The following PKP2 variants were observed in gnomAD, a reference collection of about 807,000 sequenced individuals.
PKP2 encodes the protein plakophilin 2.
Under a neutral mutation model 83.4 loss-of-function variants are expected in PKP2, and 73 were observed. That is an observed-to-expected ratio of 0.88 (90% confidence interval 0.72 to 1.06). The LOEUF is 1.06. Ranked by LOEUF, PKP2 falls within the 50% of genes least tolerant of loss-of-function variation. The probability of loss-of-function intolerance (pLI) is 0.00; values close to 1 mark genes in which losing one functional copy is unlikely to be tolerated. For synonymous variants in PKP2, 409 were observed against 430.4 expected (o/e 0.95, Z 0.62); for missense variants, 966 against 1,065.4 (o/e 0.91, Z 1.30).
intron 6 of PKP2, among the ~76,000 whole-genome samples, chr12:32,837,279 A>C (rs1956552021): frequency 6.6e-6 from 1 of 152,220 alleles, no homozygotes; most frequent in Admixed American, 6.5e-5. Context: ...TTCGAATTTG[A>C]AGACAAGCTT....
chr12:32,839,432 C>T (rs1344622066), intron 6 of PKP2, among the ~76,000 whole-genome samples: 1 of 142,820 alleles, frequency 7.0e-6, no homozygotes, highest in African/African-American at 2.6e-5. Flanking sequence ...GTTATCTGCT[C>T]AGTAGAGAAG....
chr12:32,843,224 G>T (rs149930872), intron 5 of PKP2: 3 of 711,092 alleles, frequency 4.2e-6, no homozygotes, highest in Non-Finnish European at 6.9e-6. Flanking sequence ...CTCGTGATCC[G>T]CCCGCCTTGG....
In PKP2 at chr12:32,792,456, T is replaced by A. The variant is rs1001545861; in HGVS notation, c.2482A>T (p.Thr828Ser). 1 of 1,613,862 alleles carries A rather than the reference T, an allele frequency of 6.2e-7. No individual in the cohort carries two copies. The highest frequency in any genetic ancestry group is 8.5e-7 in the Non-Finnish European group (1 of 1,179,840). Residue 828 changes from threonine (T) to serine (S), a missense_variant, in exon 13 of 13, where the codon ACT becomes TCT. By Grantham distance (58) the Thr-to-Ser change is moderately conservative. Transcript: ENST00000340811. ...TTAAGGGAGTGGTAGGCTTTGGCAG[T>A]CCGGCTGTTGACAAAATCTGTCTTC... ...FKKTDFVNSR[T>S]AKAYHSLKD
At chr12:32,883,106 T>C (rs756889995) in intron 1 of PKP2, among the ~76,000 whole-genome samples, 52 of 152,346 alleles carry the variant, frequency 3.4e-4, no homozygotes, top group Non-Finnish European at 4.7e-4. Context: ...GCTGTTTTAA[T>C]GGTTCGCCAA....
At chr12:32,834,980 T>TGTGTGTGTGTGC (rs1956531895) in intron 6 of PKP2, among the ~76,000 whole-genome samples, 1 of 137,610 alleles carries the variant, frequency 7.3e-6, no homozygotes, top group Non-Finnish European at 1.6e-5. Flanking sequence ...AATAGGCGTG[T>TGTGTGTGTGTGC]GTGTGTGTGT....
In PKP2 at chr12:32,853,730, C is replaced by G. The variant is rs180839978; in HGVS notation, c.1171-2757G>C. On this transcript the variant is annotated intron_variant, in intron 4 of 12. Transcript: ENST00000340811. ...TTTGCCATGTTGGCCAGGCTGGTCTCGAACTCCCAACCTCAGGTGATCTGC... is the reference window on the plus strand; with the variant it reads ...TTTGCCATGTTGGCCAGGCTGGTCTGGAACTCCCAACCTCAGGTGATCTGC... Among the ~76,000 whole-genome samples the G allele has an allele frequency of 3.3e-3, 505 of 152,234 alleles. 2 individuals carry two copies. Among genetic ancestry groups the G allele is most frequent in the African/African-American group, 0.012 (479 of 41,546 alleles).
chr12:32,874,760 AAAG>A (rs1223023264), intron 3 of PKP2, among the ~76,000 whole-genome samples: 4 of 152,062 alleles, frequency 2.6e-5, no homozygotes, highest in African/African-American at 9.7e-5. Context: ...TTATTTTTTG[AAAG>A]AAGATCTCAT....
chr12:32,869,907 T>C lies in PKP2; in HGVS notation c.1035-845A>G, dbSNP rs571856299. ...AGCTGGGTGTGGTGGCATGTGCCTG[T>C]AGACCCAGCTACTTGGAAGGCTGAG... is the stretch of plus-strand genomic sequence containing the variant. On this transcript the variant is annotated intron_variant, in intron 3 of 12. Coordinates refer to ENST00000340811, the MANE Select transcript of PKP2 (RefSeq NM_001005242.3). Among the ~76,000 whole-genome samples the C allele has an allele frequency of 3.9e-5, 6 of 152,118 alleles. No individual in the cohort carries two copies. The South Asian group carries it at 1.2e-3, about 32-fold the overall frequency.
rs981524383 is a variant in PKP2, at chr12:32,851,172, A to C, written c.1171-199T>G. 7.9e-5 allele frequency among the ~76,000 whole-genome samples: 12 copies of C among 152,302 alleles called. No individual in the cohort carries two copies. In the South Asian group the frequency reaches 2.5e-3, roughly 32 times the overall value. On this transcript the variant is annotated intron_variant, in intron 4 of 12. Transcript: ENST00000340811. ...TCTGTCATCAAGGAACTTATAGTAC[A>C]TTTGGGAAGTTAAGACTGAAACCTA...
intron 10 of PKP2, among the ~76,000 whole-genome samples, chr12:32,800,892 C>CAAGTTTATT (rs1956172338): frequency 2.0e-5 from 3 of 152,176 alleles, no homozygotes; most frequent in Admixed American, 6.5e-5. Flanking sequence ...AAGTTTATTT[C>CAAGTTTATT]TCTAGATGTA....
intron 3 of PKP2, among the ~76,000 whole-genome samples, chr12:32,877,645 G>A (rs1397311907): frequency 6.6e-6 from 1 of 152,230 alleles, no homozygotes; most frequent in Non-Finnish European, 1.5e-5. Context: ...AAGCTGCCAT[G>A]TGAGCAGGTA....
In PKP2 at chr12:32,878,275, AC is replaced by A. The variant is rs747504380; in HGVS notation, c.604del (p.Val202SerfsTer61). The A allele has an allele frequency of 6.2e-7, 1 of 1,612,554 alleles. No individual in the cohort carries two copies. The highest frequency in any genetic ancestry group is 1.1e-5 in the South Asian group (1 of 91,034). On this transcript the variant is annotated frameshift_variant, in exon 3 of 13. Transcript: ENST00000340811. LOFTEE classifies it high-confidence loss of function. ...CCTGCTTGTGGTGCCAGCACGGCTG[AC>A]CCCCACGATCTCGGAACGAGCATAT... ...PRYARSEIVG[V>X]SRAGTTSRQR...
intron 4 of PKP2, among the ~76,000 whole-genome samples, chr12:32,857,112 G>A (rs1397406259): frequency 6.6e-6 from 1 of 152,148 alleles, no homozygotes; most frequent in Non-Finnish European, 1.5e-5. Context: ...GGAGAGTAGA[G>A]AAGAAAAGCA....
At position 32,819,874 on chromosome 12, in the gene PKP2, A is replaced by G. The variant is rs551957445; in HGVS notation, c.2013+1482T>C. On this transcript the variant is annotated intron_variant, in intron 9 of 12. Transcript: ENST00000340811. ...ACAGCAAGCTTACACACACACACAC[A>G]CGCACACACAACCCCCCCCCCCCCA... Among the ~76,000 whole-genome samples the G allele has an allele frequency of 2.2e-4, 19 of 87,844 alleles. No homozygotes were observed. In the East Asian group the frequency reaches 4.8e-3, roughly 22 times the overall value. The allele number at this position is 87,844 out of a possible 152,430, so 57.6% of individuals were successfully genotyped here.
intron 1 of PKP2, chr12:32,894,776 G>C (rs576669555): frequency 6.6e-6 from 1 of 152,282 alleles, no homozygotes; most frequent in South Asian, 2.1e-4. Flanking sequence ...TTTAGCACTG[G>C]ACCTATGGGC....
At chr12:32,821,043 G>T in intron 9 of PKP2, 1 of 369,172 alleles carries the variant, frequency 2.7e-6, no homozygotes, top group Non-Finnish European at 5.2e-6. Flanking sequence ...CCTAAGTCCA[G>T]TCACGACAGA....
At chr12:32,792,815 C>T (rs1304042589) in intron 11 of PKP2, 84 bp from the exon 12 acceptor site, 20 of 1,025,862 alleles carry the variant, frequency 1.9e-5, no homozygotes, top group East Asian at 2.4e-5. Context: ...AAGACCTCTT[C>T]GCTCCTCAAC....
chr12:32,810,264 T>C (rs1956265193), intron 9 of PKP2, among the ~76,000 whole-genome samples: 1 of 152,258 alleles, frequency 6.6e-6, no homozygotes, highest in Non-Finnish European at 1.5e-5. Flanking sequence ...AGCCTTGTTA[T>C]CAATGTTAGA....
chr12:32,805,649 A>G (rs901271042), intron 9 of PKP2, among the ~76,000 whole-genome samples: 7 of 151,968 alleles, frequency 4.6e-5, no homozygotes, highest in Non-Finnish European at 7.4e-5. Context: ...TCTCTATTCA[A>G]TTCCATTGGT....
Sources: allele counts gnomAD v4.1 joint callset (sites outside exome capture counted in the v4.1 genomes callset), GRCh38; gene constraint gnomAD v4.1.1; transcripts MANE v1.5; gene names NCBI Gene and HGNC (gene_info 2026-07-23, HGNC 2026-07-21).